The following PASD1 variants were observed in gnomAD, a reference collection of about 807,000 sequenced individuals.
PASD1 encodes the protein circadian clock protein PASD1.
Under a neutral mutation model 58.8 loss-of-function variants are expected in PASD1, and 13 were observed. The ratio of observed to expected loss-of-function variants is 0.22; its 90% confidence interval spans 0.14 to 0.35. The LOEUF is 0.35. Ranked by LOEUF, PASD1 falls within the 10% of genes least tolerant of loss-of-function variation. The probability of loss-of-function intolerance (pLI) is 1.00; values close to 1 mark genes in which losing one functional copy is unlikely to be tolerated. For missense variants in PASD1, 734 were observed against 568.3 expected, an observed-to-expected ratio of 1.29 and a Z score of -2.96; for synonymous variants, 236 against 216.7, an observed-to-expected ratio of 1.09 and a Z score of -0.78.
intron 1 of PASD1, among the ~76,000 whole-genome samples, chrX:151,577,448 A>G: frequency 8.9e-6 from 1 of 112,401 alleles, no homozygotes; most frequent in Non-Finnish European, 1.9e-5. Flanking sequence ...TATCTTACAC[A>G]GATAATTCTG....
At chrX:151,615,598 A>G (rs1032425146) in intron 4 of PASD1, among the ~76,000 whole-genome samples, 10 of 111,659 alleles carry the variant, frequency 9.0e-5, no homozygotes, top group Admixed American at 5.7e-4. Flanking sequence ...TAAAAATTTC[A>G]TTTTATAAGT....
intron 11 of PASD1, among the ~76,000 whole-genome samples, chrX:151,666,404 T>C: frequency 9.1e-6 from 1 of 109,641 alleles, no homozygotes; most frequent in Non-Finnish European, 1.9e-5. Flanking sequence ...TTAATTATAC[T>C]TTAAGATTTA....
At chrX:151,626,140 G>A (rs1169213389) in intron 8 of PASD1, among the ~76,000 whole-genome samples, 1 of 111,517 alleles carries the variant, frequency 9.0e-6, no homozygotes, top group Non-Finnish European at 1.9e-5. Flanking sequence ...TTCAAATTAA[G>A]GTAATGCATT....
chrX:151,675,964 A>G (rs771452873), intron 15 of PASD1, 33 bp from the exon 16 acceptor site: 2 of 1,206,280 alleles, frequency 1.7e-6, no homozygotes, highest in African/African-American at 1.7e-5. Context: ...GACTCTAGCA[A>G]ACATTCCACC....
rs775690540 is a variant in PASD1, at chrX:151,596,073, A to G, written c.-27-5454A>G. The stretch of plus-strand genomic sequence containing the variant: ...GTCCAGTTTCCTAATTGTTCATGGC[A>G]GGGGGACTGTTCCCACATCAGTTAT... On this transcript the variant is annotated intron_variant, in intron 1 of 15. Transcript: ENST00000370357. 2.2e-4 allele frequency among the ~76,000 whole-genome samples: 25 copies of G among 112,136 alleles called. No homozygotes were observed. The South Asian group carries it at 8.2e-3, about 37-fold the overall frequency.
At position 151,671,775 on chromosome X, in the gene PASD1, A is replaced by G. The variant is rs756745878; in HGVS notation, c.1433A>G (p.Asn478Ser). Residue 478 changes from asparagine (N) to serine (S), a missense_variant, in exon 13 of 16, where the codon AAC (asparagine) becomes AGC (serine). Coordinates refer to ENST00000370357, the MANE Select transcript of PASD1 (RefSeq NM_173493.3). ...CTTCAGGAGCCTTGTGTTGCCTTCAACCAGGTATGGAAAGGCTGTTTTAAC... is the reference window on the plus strand; with the variant it reads ...CTTCAGGAGCCTTGTGTTGCCTTCAGCCAGGTATGGAAAGGCTGTTTTAAC... Reference protein sequence around the residue: ...GELQEPCVAFNQQQLVQQEQH... With the variant: ...GELQEPCVAFSQQQLVQQEQH... The G allele has an allele frequency of 8.3e-7, 1 of 1,202,085 alleles. No individual in the cohort carries two copies. The highest frequency in any genetic ancestry group is 1.1e-6 in the Non-Finnish European group (1 of 886,700).
At chrX:151,575,187 A>C (rs2012985007) in intron 1 of PASD1, among the ~76,000 whole-genome samples, 1 of 106,543 alleles carries the variant, frequency 9.4e-6, no homozygotes, top group Non-Finnish European at 1.9e-5. Context: ...CTTCGTGCAA[A>C]AGCTAAAAGC....
rs2013458848 is a variant in PASD1 at position 151,604,356 on chromosome X, G to GA, written c.29-290_29-289insA. ...TACTGGGTTTTGGTAGAATTCAAGA[G>GA]GAAAAAAAGAACTAGAAGTTGAAAA... On this transcript the variant is annotated intron_variant, in intron 2 of 15. Transcript: ENST00000370357. Among the ~76,000 whole-genome samples, 3 of 111,171 alleles carry GA rather than the reference G, an allele frequency of 2.7e-5. No homozygotes were observed. The South Asian group carries it at 1.1e-3, about 42-fold the overall frequency.
chrX:151,670,435 G>A (rs191547749), intron 11 of PASD1, among the ~76,000 whole-genome samples: 1 of 112,030 alleles, frequency 8.9e-6, no homozygotes, highest in African/African-American at 3.2e-5. Flanking sequence ...TTGCCCCATA[G>A]CACACTCTCT....
chrX:151,599,787 G>A (rs1298405638), intron 1 of PASD1, among the ~76,000 whole-genome samples: 7 of 108,573 alleles, frequency 6.4e-5, no homozygotes, highest in Admixed American at 9.7e-5. Context: ...CAGACTGGGC[G>A]GCCGGGCAGA....
intron 9 of PASD1, among the ~76,000 whole-genome samples, chrX:151,650,384 T>TA (rs1369660557): frequency 2.1e-4 from 20 of 93,979 alleles, no homozygotes; most frequent in African/African-American, 3.6e-4. Context: ...GTGGGCTGTT[T>TA]AAAAAAAAAA....
chrX:151,627,765 T>C (rs944466813), intron 8 of PASD1, among the ~76,000 whole-genome samples: 1 of 112,004 alleles, frequency 8.9e-6, no homozygotes, highest in East Asian at 2.8e-4. Context: ...TTCTAGATCC[T>C]TGAGGAATTG....
chrX:151,662,846 A>G (rs2014328473), intron 10 of PASD1, among the ~76,000 whole-genome samples: 1 of 112,276 alleles, frequency 8.9e-6, no homozygotes, highest in African/African-American at 3.2e-5. Context: ...CTTAAGGAAC[A>G]AATTTACCAT....
At chrX:151,627,889 TCGCC>T (rs2013811956) in intron 8 of PASD1, among the ~76,000 whole-genome samples, 4 of 110,194 alleles carry the variant, frequency 3.6e-5, no homozygotes, top group African/African-American at 1.3e-4. Flanking sequence ...TTTTTAATGA[TCGCC>T]ATTCTAACTG....
Position 151,621,538 on chromosome X carries a change from A to G in PASD1, c.364A>G (p.Ser122Gly). Residue 122 changes from serine (S) to glycine (G), a missense_variant, in exon 6 of 16, where the codon AGT (serine) becomes GGT (glycine). Coordinates refer to ENST00000370357, the MANE Select transcript of PASD1 (RefSeq NM_173493.3). ...LKRGNVEHGD[S>G]SAYENVKFIV... Reference sequence around the variant, plus strand: ...AAGAGGAAATGTCGAACATGGTGATAGTTCTGCTTACGAAAACGTGAAATT... The same window carrying G: ...AAGAGGAAATGTCGAACATGGTGATGGTTCTGCTTACGAAAACGTGAAATT... 8.3e-7 allele frequency: 1 copy of G among 1,207,501 alleles called. No individual in the cohort carries two copies. Among genetic ancestry groups the G allele is most frequent in the African/African-American group, 1.7e-5 (1 of 57,608 alleles).
chrX:151,649,947 T>C (rs2014110138), intron 9 of PASD1, among the ~76,000 whole-genome samples: 1 of 112,373 alleles, frequency 8.9e-6, no homozygotes. Flanking sequence ...GATTTTGTAT[T>C]GAATTGTCCA....
intron 6 of PASD1, 59 bp downstream of exon 6, chrX:151,621,651 A>T: frequency 3.7e-6 from 3 of 809,368 alleles, no homozygotes; most frequent in Non-Finnish European, 5.3e-6. Flanking sequence ...GCCTCACATT[A>T]CTAACATAAA....
At chrX:151,590,337 G>A (rs2013227229) in intron 1 of PASD1, among the ~76,000 whole-genome samples, 1 of 111,701 alleles carries the variant, frequency 9.0e-6, no homozygotes, top group South Asian at 3.8e-4. Context: ...GAATTACAGT[G>A]CTTTAGTCTT....
intron 4 of PASD1, among the ~76,000 whole-genome samples, chrX:151,614,097 G>T (rs2013606099): frequency 9.1e-6 from 1 of 110,093 alleles, no homozygotes; most frequent in Admixed American, 9.7e-5. Context: ...TGATTCTCCT[G>T]CCTCAGCCTC....
Sources: allele counts gnomAD v4.1 joint callset (sites outside exome capture counted in the v4.1 genomes callset), GRCh38; gene constraint gnomAD v4.1.1; transcripts MANE v1.5; gene names NCBI Gene and HGNC (gene_info 2026-07-23, HGNC 2026-07-21).